The following ZFAND2A variants were observed in gnomAD, a reference collection of about 807,000 sequenced individuals.
ZFAND2A encodes the protein AN1-type zinc finger protein 2A.
In ZFAND2A, 20 loss-of-function variants were observed where a neutral mutation model predicts 11.6. The observed-to-expected ratio is 1.72, with a 90% confidence interval of 1.21 to 2.50. ZFAND2A has a LOEUF of 2.50. Among genes scored for constraint, ZFAND2A ranks in the 30% most tolerant of loss-of-function variants. ZFAND2A has a pLI of 0.00. For synonymous variants in ZFAND2A, 93 were observed against 60.6 expected (o/e 1.54, Z -2.48); for missense variants, 234 against 182.9 (o/e 1.28, Z -1.61).
At chr7:1,155,665 G>A (rs1322298905) in intron 3 of ZFAND2A, 81 bp from the exon 4 acceptor site, 22 of 1,535,726 alleles carry the variant, frequency 1.4e-5, no homozygotes, top group African/African-American at 2.8e-5. Flanking sequence ...ACTCCTGTGC[G>A]GCACACTTAA....
At position 1,152,973 on chromosome 7, in the gene ZFAND2A, G is replaced by A. The variant is rs769246200; in HGVS notation, c.*96C>T. On this transcript the variant is annotated 3_prime_UTR_variant, in exon 5 of 5. Transcript: ENST00000316495. ...AACAAACAAGATCAGCAGCCAGTGT[G>A]GGATGGTGCTCAATGGGGCTCCACT... The A allele has an allele frequency of 6.7e-7, 1 of 1,493,404 alleles. No individual in the cohort carries two copies. The highest frequency in any genetic ancestry group is 9.2e-7 in the Non-Finnish European group (1 of 1,084,838). The allele number at this position is 1,493,404 out of a possible 1,614,324, so 92.5% of individuals were successfully genotyped here.
At chr7:1,157,824 T>C in intron 2 of ZFAND2A, 74 bp from the exon 3 acceptor site, 3 of 1,172,880 alleles carry the variant, frequency 2.6e-6, no homozygotes, top group Middle Eastern at 2.3e-4. Flanking sequence ...TCAAAGTGTT[T>C]ACCTACACTA....
rs528273638 is a variant in ZFAND2A at position 1,159,909 on chromosome 7, C to G, written c.-46+55G>C. 22 of 174,470 alleles carry G rather than the reference C, an allele frequency of 1.3e-4. 1 individual carries two copies. In the South Asian group the frequency reaches 1.8e-3, roughly 14 times the overall value. 10.8% of individuals were successfully genotyped at this position (174,470 alleles called of 1,614,324 possible). Reference sequence around the variant, plus strand: ...AGGCCGAACCCCCGAGCAACCTGACCTCAAGGCAGGCCCGACCCCCGGCAG... The same window carrying G: ...AGGCCGAACCCCCGAGCAACCTGACGTCAAGGCAGGCCCGACCCCCGGCAG... On this transcript the variant is annotated intron_variant, in intron 1 of 4. Transcript: ENST00000316495.
chr7:1,152,391 C>G, downstream of ZFAND2A: 1 of 1,479,944 alleles, frequency 6.8e-7, no homozygotes, highest in Non-Finnish European at 9.1e-7. Flanking sequence ...GTGCTGACCG[C>G]AAGAACCCAC....
downstream of ZFAND2A, chr7:1,152,126 TGACG>T: frequency 2.3e-6 from 3 of 1,302,902 alleles, no homozygotes; most frequent in Non-Finnish European, 3.1e-6. Flanking sequence ...TCATCCATCC[TGACG>T]AAGTCGCACC....
At chr7:1,150,329 A>G (rs79701362), downstream of ZFAND2A, among the ~76,000 whole-genome samples, 2,581 of 152,120 alleles carry the variant, frequency 0.017, 94 homozygotes, top group East Asian at 0.17. Context: ...AGCAGAAAAA[A>G]AAAAGGCAGT....
At chr7:1,158,136 T>C (rs1326806334) in intron 2 of ZFAND2A, 22 bp downstream of exon 2, 1 of 1,610,596 alleles carries the variant, frequency 6.2e-7, no homozygotes, top group East Asian at 2.2e-5. Flanking sequence ...CATTTTCTAT[T>C]AAGTCTCTTA....
At chr7:1,152,390 G>A (rs201869709), downstream of ZFAND2A, 87 of 1,480,632 alleles carry the variant, frequency 5.9e-5, no homozygotes, top group South Asian at 6.7e-5. Flanking sequence ...TGTGCTGACC[G>A]CAAGAACCCA....
rs1281940614 is a variant in ZFAND2A at position 1,154,178 on chromosome 7, C to T, written c.283-954G>A. On this transcript the variant is annotated intron_variant, in intron 4 of 4. Transcript: ENST00000316495. ...ATATCTATCATGTCCCAGTACCCAC[C>T]GGTCATTTTTTTTTTTTTTTTTTTT... Among the ~76,000 whole-genome samples the T allele has an allele frequency of 2.0e-5, 3 of 148,730 alleles. No homozygotes were observed. The East Asian group carries it at 6.0e-4, about 30-fold the overall frequency.
intron 1 of ZFAND2A, among the ~76,000 whole-genome samples, chr7:1,158,706 G>A (rs1217735441): frequency 2.0e-5 from 3 of 152,152 alleles, no homozygotes; most frequent in Non-Finnish European, 4.4e-5. Context: ...ACTCCCTTAG[G>A]CATTGAATCT....
chr7:1,156,600 CCGCCCAGCAGCTAA>C (rs1213730793), intron 3 of ZFAND2A, among the ~76,000 whole-genome samples: 9 of 152,078 alleles, frequency 5.9e-5, no homozygotes, highest in Admixed American at 5.9e-4. Flanking sequence ...AAGGGGTGGA[CCGCCCAGCAGCTAA>C]CGCCCAGCAT....
In ZFAND2A at chr7:1,157,770, G is replaced by C; in HGVS notation, c.56-20C>G. The C allele has an allele frequency of 2.0e-6, 3 of 1,520,936 alleles. No homozygotes were observed. The highest frequency in any genetic ancestry group is 2.7e-6 in the Non-Finnish European group (3 of 1,129,012). 94.2% of individuals were successfully genotyped at this position (1,520,936 alleles called of 1,614,324 possible). Reference sequence around the variant, plus strand: ...GAAAATCTAAAAAACAAAAAACAGGGAAGTGTTTTAACGACTGGAACAAAA... The same window carrying C: ...GAAAATCTAAAAAACAAAAAACAGGCAAGTGTTTTAACGACTGGAACAAAA... On this transcript the variant is annotated intron_variant, in intron 2 of 4. Transcript: ENST00000316495.
chr7:1,151,600 T>A (rs1354096226), downstream of ZFAND2A, among the ~76,000 whole-genome samples: 1 of 151,684 alleles, frequency 6.6e-6, no homozygotes, highest in African/African-American at 2.4e-5. Context: ...TTCACTAAAA[T>A]ATAAAAGATT....
chr7:1,152,016 G>C (rs941211658), downstream of ZFAND2A: 7 of 442,300 alleles, frequency 1.6e-5, no homozygotes, highest in African/African-American at 1.0e-4. Context: ...TTGGAGGGCA[G>C]AAAAGGTGTT....
At chr7:1,155,785 G>C in intron 3 of ZFAND2A, 1 of 543,862 alleles carries the variant, frequency 1.8e-6, no homozygotes, top group Non-Finnish European at 3.0e-6. Flanking sequence ...GCTGCCCTGA[G>C]GAGTCTAGTG....
At chr7:1,156,032 T>C (rs369062927) in intron 3 of ZFAND2A, among the ~76,000 whole-genome samples, 4 of 152,372 alleles carry the variant, frequency 2.6e-5, no homozygotes, top group East Asian at 3.8e-4. Flanking sequence ...TGAGGCCACG[T>C]GTACCTAGGG....
At chr7:1,159,469 GC>G (rs1271683272) in intron 1 of ZFAND2A, among the ~76,000 whole-genome samples, 3 of 145,684 alleles carry the variant, frequency 2.1e-5, no homozygotes, top group Admixed American at 6.8e-5. Flanking sequence ...CAGCAGACAG[GC>G]CGGACCCCCA....
downstream of ZFAND2A, among the ~76,000 whole-genome samples, chr7:1,149,078 A>G (rs995513425): frequency 6.6e-6 from 1 of 152,124 alleles, no homozygotes; most frequent in African/African-American, 2.4e-5. Context: ...GATTACGGGC[A>G]TAAGCCACTG....
At chr7:1,155,758 C>G (rs1793512216) in intron 3 of ZFAND2A, 174 bp from the exon 4 acceptor site, 1 of 749,820 alleles carries the variant, frequency 1.3e-6, no homozygotes, top group East Asian at 3.5e-5. Context: ...GCAGCCATCT[C>G]TAGAATGTGG....
Sources: gnomAD v4.1 joint callset for allele counts (sites outside exome capture counted in the v4.1 genomes callset) on GRCh38, gnomAD v4.1.1 for gene constraint, MANE v1.5 for transcripts, NCBI Gene and HGNC (gene_info 2026-07-23, HGNC 2026-07-21) for gene names.